The following ME1 variants were observed in gnomAD, a reference collection of about 807,000 sequenced individuals.
ME1 encodes the protein malic enzyme 1.
Under a neutral mutation model 66.4 loss-of-function variants are expected in ME1, and 74 were observed. The observed-to-expected ratio is 1.11, with a 90% CI of 0.92 to 1.35. The LOEUF is 1.35. ME1 is among the 40% of genes most tolerant of loss of function. ME1 has a pLI of 0.00. For missense variants in ME1, 750 were observed against 694.1 expected (o/e 1.08, Z -0.90); for synonymous variants, 251 against 235.6 (o/e 1.07, Z -0.60).
chr6:83,275,463 T>C (rs1310407098), intron 6 of ME1, among the ~76,000 whole-genome samples: 1 of 144,118 alleles, frequency 6.9e-6, no homozygotes, highest in Non-Finnish European at 1.5e-5. Context: ...ATAGTTTTGA[T>C]CTTTTTTTTT....
chr6:83,278,755 A>G (rs1041575228), intron 6 of ME1, among the ~76,000 whole-genome samples: 1 of 152,138 alleles, frequency 6.6e-6, no homozygotes, highest in Non-Finnish European at 1.5e-5. Flanking sequence ...CACTATGCCA[A>G]GCCTATTTAT....
chr6:83,390,721 T>C (rs562795786), intron 3 of ME1, among the ~76,000 whole-genome samples: 2 of 152,192 alleles, frequency 1.3e-5, no homozygotes, highest in South Asian at 4.2e-4. Context: ...CTTACTTAAA[T>C]TTCAAATATT....
chr6:83,229,391 A>C (rs1359003502), intron 9 of ME1, among the ~76,000 whole-genome samples: 1 of 152,222 alleles, frequency 6.6e-6, no homozygotes, highest in African/African-American at 2.4e-5. Flanking sequence ...AGATTTTCTC[A>C]GTAAGTATGC....
At chr6:83,330,455 A>C (rs1768382473) in intron 5 of ME1, among the ~76,000 whole-genome samples, 1 of 152,214 alleles carries the variant, frequency 6.6e-6, no homozygotes, top group Non-Finnish European at 1.5e-5. Context: ...TAGAAATAAA[A>C]ATGATTAAAA....
chr6:83,385,198 C>T (rs1769483752), intron 3 of ME1, among the ~76,000 whole-genome samples: 1 of 151,898 alleles, frequency 6.6e-6, no homozygotes, highest in East Asian at 1.9e-4. Flanking sequence ...ATACAATATT[C>T]GAGATGTGAT....
intron 6 of ME1, among the ~76,000 whole-genome samples, chr6:83,267,423 T>G (rs980318927): frequency 6.6e-6 from 1 of 152,088 alleles, no homozygotes; most frequent in Non-Finnish European, 1.5e-5. Context: ...AATACTCAGG[T>G]TTTGAAAAAG....
intron 7 of ME1, among the ~76,000 whole-genome samples, chr6:83,253,022 T>C (rs902779499): frequency 2.6e-5 from 4 of 152,156 alleles, no homozygotes; most frequent in Non-Finnish European, 2.9e-5. Context: ...CTTTACGGTA[T>C]TTCTCCTCAG....
chr6:83,320,249 T>A (rs954321344), intron 5 of ME1, among the ~76,000 whole-genome samples: 2 of 152,174 alleles, frequency 1.3e-5, no homozygotes, highest in African/African-American at 4.8e-5. Flanking sequence ...GTTAAGAAGG[T>A]TAAACCTTCA....
chr6:83,250,717 C>T (rs1411051696), intron 7 of ME1, among the ~76,000 whole-genome samples: 1 of 152,244 alleles, frequency 6.6e-6, no homozygotes, highest in East Asian at 1.9e-4. Context: ...GTTCTCTAGA[C>T]TGAAGACAGT....
intron 6 of ME1, among the ~76,000 whole-genome samples, chr6:83,297,988 A>C (rs1767634124): frequency 6.6e-6 from 1 of 152,052 alleles, no homozygotes; most frequent in Admixed American, 6.6e-5. Flanking sequence ...TTGATTCACT[A>C]CCTTTGCTAT....
chr6:83,403,907 A>C (rs1289204606), intron 2 of ME1, among the ~76,000 whole-genome samples: 2 of 152,088 alleles, frequency 1.3e-5, no homozygotes, highest in Non-Finnish European at 1.5e-5. Flanking sequence ...TCTATCATTG[A>C]TGGGCATTTG....
At chr6:83,400,442 C>T (rs1020049619) in intron 2 of ME1, among the ~76,000 whole-genome samples, 11 of 152,154 alleles carry the variant, frequency 7.2e-5, no homozygotes, top group Non-Finnish European at 1.5e-4. Context: ...TTATAAATTA[C>T]CCAGCCTCAG....
In ME1 at chr6:83,273,583, T is replaced by C. The variant is rs192471451; in HGVS notation, c.705-19845A>G. Among the ~76,000 whole-genome samples, 35 of 152,368 alleles carry C rather than the reference T, an allele frequency of 2.3e-4. No individual in the cohort carries two copies. The East Asian group carries it at 4.4e-3, about 19-fold the overall frequency. Reference sequence around the variant, plus strand: ...TGATTAAAAAGAAAGTTTTCTTCTATGATGAAGTATTTTCTACATACAAAA... The same window carrying C: ...TGATTAAAAAGAAAGTTTTCTTCTACGATGAAGTATTTTCTACATACAAAA... On this transcript the variant is annotated intron_variant, in intron 6 of 13. Coordinates refer to ENST00000369705, the MANE Select transcript of ME1 (RefSeq NM_002395.6).
Position 83,340,298 on chromosome 6 carries a change from A to T in ME1, c.600+5875T>A, listed in dbSNP as rs557355066. On this transcript the variant is annotated intron_variant, in intron 5 of 13. Coordinates refer to ENST00000369705, the MANE Select transcript of ME1 (RefSeq NM_002395.6). Reference sequence around the variant, plus strand: ...TACACAGGCTAGAATTTTCTGAATAATAAAAAAGAAAACAGCAGTGATAAC... The same window carrying T: ...TACACAGGCTAGAATTTTCTGAATATTAAAAAAGAAAACAGCAGTGATAAC... Among the ~76,000 whole-genome samples the T allele has an allele frequency of 4.6e-5, 7 of 152,320 alleles. No homozygotes were observed. The East Asian group carries it at 1.3e-3, about 29-fold the overall frequency.
chr6:83,243,682 CTATTA>C (rs1370233324), intron 7 of ME1, among the ~76,000 whole-genome samples: 1 of 122,388 alleles, frequency 8.2e-6, no homozygotes, highest in Non-Finnish European at 1.6e-5. Context: ...TCGATATAAT[CTATTA>C]TAATTATATT....
intron 5 of ME1, among the ~76,000 whole-genome samples, chr6:83,324,442 C>G (rs907517275): frequency 2.7e-5 from 4 of 150,820 alleles, no homozygotes; most frequent in African/African-American, 9.8e-5. Flanking sequence ...GCTAGCCAGA[C>G]TAATAAAGAA....
At chr6:83,383,397 A>G (rs1769445165) in intron 3 of ME1, among the ~76,000 whole-genome samples, 1 of 151,950 alleles carries the variant, frequency 6.6e-6, no homozygotes, top group Non-Finnish European at 1.5e-5. Context: ...TGGACTCAAA[A>G]TGTACAGAAA....
intron 3 of ME1, among the ~76,000 whole-genome samples, chr6:83,357,931 CTCTCTATATATATA>C (rs1377863401): frequency 1.5e-4 from 8 of 51,758 alleles, no homozygotes; most frequent in African/African-American, 4.5e-4. Context: ...CTCTCTCTCT[CTCTCTATATATATA>C]TATATATATA....
intron 6 of ME1, among the ~76,000 whole-genome samples, chr6:83,309,155 C>A (rs1312208433): frequency 6.6e-6 from 1 of 152,058 alleles, no homozygotes; most frequent in Non-Finnish European, 1.5e-5. Context: ...AAATGATAAG[C>A]TTTCCTGGGG....
Sources: allele counts gnomAD v4.1 joint callset (sites outside exome capture counted in the v4.1 genomes callset), GRCh38; gene constraint gnomAD v4.1.1; transcripts MANE v1.5; gene names NCBI Gene and HGNC (gene_info 2026-07-23, HGNC 2026-07-21).